MACROD2: variants seen among roughly 807,000 people sequenced by gnomAD.
MACROD2 encodes ADP-ribose glycohydrolase MACROD2.
Under a neutral mutation model 70.4 loss-of-function variants are expected in MACROD2, and 36 were observed. That is an observed-to-expected ratio of 0.51 (90% confidence interval 0.39 to 0.68). MACROD2 has a LOEUF of 0.68. MACROD2 is among the 30% of genes least tolerant of loss of function. The pLI, the probability that MACROD2 is intolerant of heterozygous loss-of-function variation, is 0.00. For synonymous variants in MACROD2, 172 were observed against 178.8 expected (o/e 0.96, Z 0.30); for missense variants, 496 against 538.4 (o/e 0.92, Z 0.78).
At chr20:14,664,996 C>T (rs950151961) in intron 4 of MACROD2, among the ~76,000 whole-genome samples, 3 of 152,086 alleles carry the variant, frequency 2.0e-5, no homozygotes, top group Non-Finnish European at 2.9e-5. Context: ...GTGGACAGCA[C>T]TCGGATTTCA....
intron 2 of MACROD2, among the ~76,000 whole-genome samples, chr20:14,008,339 G>A (rs1041311210): frequency 3.3e-5 from 5 of 152,074 alleles, no homozygotes; most frequent in South Asian, 2.1e-4. Context: ...CAGGCAGGCC[G>A]GGAGGCAAGT....
chr20:15,015,316 C>A (rs2075112716), intron 5 of MACROD2, among the ~76,000 whole-genome samples: 1 of 152,030 alleles, frequency 6.6e-6, no homozygotes, highest in African/African-American at 2.4e-5. Context: ...ATAAAAGAAA[C>A]TTATCTAATT....
At chr20:15,330,876 C>T (rs1055454640) in intron 6 of MACROD2, among the ~76,000 whole-genome samples, 27 of 151,748 alleles carry the variant, frequency 1.8e-4, no homozygotes, top group African/African-American at 6.3e-4. Flanking sequence ...CTTCTTACTG[C>T]CCTGAAGTAA....
chr20:14,936,875 G>A (rs2074344628), intron 5 of MACROD2, among the ~76,000 whole-genome samples: 3 of 152,158 alleles, frequency 2.0e-5, no homozygotes, highest in East Asian at 1.9e-4. Context: ...CAGCTGATGA[G>A]GAGAGGGAGA....
chr20:15,650,096 A>G (rs1351280352), intron 8 of MACROD2, among the ~76,000 whole-genome samples: 1 of 152,192 alleles, frequency 6.6e-6, no homozygotes, highest in East Asian at 1.9e-4. Context: ...TGTGACTATC[A>G]GTAGATAAAG....
intron 3 of MACROD2, among the ~76,000 whole-genome samples, chr20:14,443,061 A>G (rs1297062117): frequency 5.3e-5 from 8 of 151,430 alleles, no homozygotes; most frequent in Admixed American, 2.6e-4. Flanking sequence ...CCTGGGCAAC[A>G]GAGCGAGACT....
At chr20:14,041,716 C>T (rs1167316491) in intron 2 of MACROD2, among the ~76,000 whole-genome samples, 2 of 152,138 alleles carry the variant, frequency 1.3e-5, no homozygotes, top group Non-Finnish European at 2.9e-5. Flanking sequence ...ACAAATTCAC[C>T]TAGCTTAGAG....
intron 8 of MACROD2, among the ~76,000 whole-genome samples, chr20:15,756,920 C>A (rs1484311113): frequency 2.0e-5 from 3 of 152,220 alleles, no homozygotes; most frequent in African/African-American, 7.2e-5. Context: ...CTCATTCCCA[C>A]TGCCTGTCAC....
Position 16,002,171 on chromosome 20 carries a change from A to C in MACROD2, c.1153+15013A>C, listed in dbSNP as rs77527190. Among the ~76,000 whole-genome samples the C allele has an allele frequency of 5.3e-3, 808 of 152,284 alleles. 8 individuals carry two copies. Among genetic ancestry groups the C allele is most frequent in the African/African-American group, 0.018 (751 of 41,556 alleles). ...TCTCTGACAATACAGGAACATATCC[A>C]GAAGATATCTTACTATTTTATCACC... On this transcript the variant is annotated intron_variant, in intron 15 of 17. Coordinates refer to ENST00000684519, the MANE Select transcript of MACROD2 (RefSeq NM_001351661.2).
chr20:15,082,788 A>G (rs1161030415), intron 5 of MACROD2, among the ~76,000 whole-genome samples: 1 of 152,098 alleles, frequency 6.6e-6, no homozygotes, highest in African/African-American at 2.4e-5. Context: ...TTCTGTTCGC[A>G]TTCTCTCACT....
chr20:15,913,585 A>G (rs930323046), intron 10 of MACROD2, among the ~76,000 whole-genome samples: 1 of 152,226 alleles, frequency 6.6e-6, no homozygotes, highest in Non-Finnish European at 1.5e-5. Context: ...TGTAACATAC[A>G]TAAGTTTGGA....
chr20:15,395,142 ATGT>A (rs762151033), intron 6 of MACROD2, among the ~76,000 whole-genome samples: 3 of 152,190 alleles, frequency 2.0e-5, no homozygotes, highest in East Asian at 1.9e-4. Context: ...CCTGGAAAAG[ATGT>A]TGTTAATATT....
chr20:15,812,006 G>C (rs905006947), intron 8 of MACROD2, among the ~76,000 whole-genome samples: 2 of 152,182 alleles, frequency 1.3e-5, no homozygotes, highest in African/African-American at 4.8e-5. Context: ...GAGCCCACCA[G>C]TTCATAAGAG....
At chr20:15,448,455 A>G (rs1351832330) in intron 7 of MACROD2, among the ~76,000 whole-genome samples, 21 of 152,152 alleles carry the variant, frequency 1.4e-4, no homozygotes, top group Non-Finnish European at 1.5e-5. Flanking sequence ...CCTTAATACA[A>G]TCAAAGCTTT....
intron 3 of MACROD2, among the ~76,000 whole-genome samples, chr20:14,220,665 T>G (rs552108138): frequency 6.6e-6 from 1 of 152,318 alleles, no homozygotes; most frequent in Admixed American, 6.5e-5. Flanking sequence ...AGGAATGGCC[T>G]GCTAGGGTAC....
chr20:15,239,126 A>G (rs1162078473), intron 6 of MACROD2, among the ~76,000 whole-genome samples: 5 of 152,062 alleles, frequency 3.3e-5, no homozygotes, highest in Non-Finnish European at 7.4e-5. Context: ...TAGAGGGTTA[A>G]TAGTATAGAG....
intron 5 of MACROD2, among the ~76,000 whole-genome samples, chr20:15,091,965 GT>G (rs2075796115): frequency 6.6e-6 from 1 of 152,004 alleles, no homozygotes; most frequent in South Asian, 2.1e-4. Context: ...TGAGTTCTTT[GT>G]AAGTGAACGA....
chr20:15,751,695 A>C (rs1354967522), intron 8 of MACROD2, among the ~76,000 whole-genome samples: 1 of 151,926 alleles, frequency 6.6e-6, no homozygotes, highest in Admixed American at 6.6e-5. Context: ...AAGGTCCTAC[A>C]TAAGGCCCAC....
rs541523188 is a variant in MACROD2, at chr20:14,444,652, TA to T, written c.272-48824del. On this transcript the variant is annotated intron_variant, in intron 3 of 17. Coordinates refer to ENST00000684519, the MANE Select transcript of MACROD2 (RefSeq NM_001351661.2). ...GTCCCTCCTTTCAATTTCAGACCCATAAACCAACTGCCTATTTTTTATCTTC... is the reference window on the plus strand; with the variant it reads ...GTCCCTCCTTTCAATTTCAGACCCATAACCAACTGCCTATTTTTTATCTTC... Among the ~76,000 whole-genome samples, 9 of 152,100 alleles carry T rather than the reference TA, an allele frequency of 5.9e-5. No homozygotes were observed. In the South Asian group the frequency reaches 1.9e-3, roughly 32 times the overall value.
Sources: gnomAD v4.1 joint callset for allele counts (sites outside exome capture counted in the v4.1 genomes callset) on GRCh38, gnomAD v4.1.1 for gene constraint, MANE v1.5 for transcripts, NCBI Gene and HGNC (gene_info 2026-07-23, HGNC 2026-07-21) for gene names.